Variants in PLA2G12B observed in about 807,000 individuals in gnomAD.
PLA2G12B encodes the protein phospholipase A2 group XIIB.
A neutral mutation model predicts 22.3 loss-of-function variants in PLA2G12B; 19 were observed. The ratio of observed to expected loss-of-function variants is 0.85; its 90% CI spans 0.60 to 1.25. The LOEUF (loss-of-function observed/expected upper bound fraction) is 1.25. Ranked by LOEUF, PLA2G12B falls within the 50% of genes most tolerant of loss-of-function variation. The probability of loss-of-function intolerance (pLI) is 0.00; values close to 1 mark genes in which losing one functional copy is unlikely to be tolerated. For missense variants in PLA2G12B, 191 were observed against 246.6 expected, an observed-to-expected ratio of 0.77 and a Z score of 1.51; for synonymous variants, 81 against 94.9, an observed-to-expected ratio of 0.85 and a Z score of 0.85.
intron 1 of PLA2G12B, among the ~76,000 whole-genome samples, chr10:72,944,340 G>A (rs1027154282): frequency 6.6e-6 from 1 of 152,018 alleles, no homozygotes; most frequent in Admixed American, 6.6e-5. Flanking sequence ...TTAATTTTTA[G>A]ATACTAAGTT....
At chr10:72,935,780 A>C in intron 3 of PLA2G12B, 42 bp from the exon 4 acceptor site, 1 of 1,598,586 alleles carries the variant, frequency 6.3e-7, no homozygotes, top group Non-Finnish European at 8.5e-7. Flanking sequence ...AACCCTGAGT[A>C]ATTTTGAAGA....
At chr10:72,939,066 G>A (rs563556840) in intron 3 of PLA2G12B, among the ~76,000 whole-genome samples, 196 of 152,320 alleles carry the variant, frequency 1.3e-3, no homozygotes, top group Non-Finnish European at 1.5e-3. Context: ...GTAGATTCAT[G>A]GTTTCCTCAA....
chr10:72,942,448 C>T (rs1379365639), intron 2 of PLA2G12B, among the ~76,000 whole-genome samples: 1 of 152,122 alleles, frequency 6.6e-6, no homozygotes, highest in African/African-American at 2.4e-5. Context: ...GATCCACTAC[C>T]AAGGGCTTAT....
intron 2 of PLA2G12B, among the ~76,000 whole-genome samples, chr10:72,942,146 TCGGGTGTGTGTGTGTGTGTG>T (rs1846372172): frequency 8.6e-6 from 1 of 116,654 alleles, no homozygotes; most frequent in African/African-American, 4.2e-5. Flanking sequence ...TAGCAGGGCG[TCGGGTGTGTGTGTGTGTGTG>T]TGTGTGTGTG....
chr10:72,952,672 T>A (rs1846551065), intron 1 of PLA2G12B, among the ~76,000 whole-genome samples: 1 of 152,208 alleles, frequency 6.6e-6, no homozygotes, highest in Non-Finnish European at 1.5e-5. Context: ...GCCGCCAGGT[T>A]TTTGGCTCTA....
chr10:72,946,066 T>G (rs1846435843), intron 1 of PLA2G12B, among the ~76,000 whole-genome samples: 4 of 152,218 alleles, frequency 2.6e-5, no homozygotes, highest in Admixed American at 2.6e-4. Context: ...TTTTGGCATA[T>G]CCACAGAGTT....
At chr10:72,942,149 G>GGTGTGTGTGTGT (rs34740594) in intron 2 of PLA2G12B, among the ~76,000 whole-genome samples, 9 of 136,038 alleles carry the variant, frequency 6.6e-5, no homozygotes, top group African/African-American at 2.1e-4. Context: ...CAGGGCGTCG[G>GGTGTGTGTGTGT]GTGTGTGTGT....
chr10:72,944,958 C>T (rs1185037183), intron 1 of PLA2G12B, among the ~76,000 whole-genome samples: 1 of 152,206 alleles, frequency 6.6e-6, no homozygotes, highest in Non-Finnish European at 1.5e-5. Flanking sequence ...TCCCTCTGGC[C>T]AGACCTTAAT....
chr10:72,947,657 T>G (rs1846464324), intron 1 of PLA2G12B, among the ~76,000 whole-genome samples: 1 of 152,200 alleles, frequency 6.6e-6, no homozygotes, highest in South Asian at 2.1e-4. Context: ...AAAAACATTT[T>G]CATCACCCCC....
intron 1 of PLA2G12B, among the ~76,000 whole-genome samples, chr10:72,945,751 G>T (rs1252271078): frequency 6.6e-6 from 1 of 151,826 alleles, no homozygotes; most frequent in Admixed American, 6.6e-5. Context: ...AAGTTCAAGT[G>T]ATTCTCCTGC....
intron 1 of PLA2G12B, among the ~76,000 whole-genome samples, chr10:72,948,131 C>T (rs558236934): frequency 2.0e-4 from 31 of 152,308 alleles, no homozygotes; most frequent in Non-Finnish European, 3.1e-4. Flanking sequence ...CCTCCTTGGC[C>T]TCCCAAAGTG....
At position 72,934,951 on chromosome 10, in the gene PLA2G12B, G is replaced by A. The variant is rs1225261889; in HGVS notation, c.*666C>T. 6.6e-6 allele frequency among the ~76,000 whole-genome samples: 1 copy of A among 152,098 alleles called. No individual in the cohort carries two copies. The highest frequency in any genetic ancestry group is 1.9e-4 in the East Asian group (1 of 5,176). On this transcript the variant is annotated 3_prime_UTR_variant, in exon 4 of 4. Transcript: ENST00000373032. ...ATTTAGTAACTGGGAATACCAATGG[G>A]GTAGGTCACCGGAGGGAAAAATGAA... is the stretch of plus-strand genomic sequence containing the variant.
At chr10:72,943,511 T>G (rs1753721368) in intron 1 of PLA2G12B, among the ~76,000 whole-genome samples, 1 of 152,208 alleles carries the variant, frequency 6.6e-6, no homozygotes. Context: ...AGAGTATTAT[T>G]GAGTAAAGAG....
At chr10:72,939,802 G>A (rs1846332114) in intron 3 of PLA2G12B, among the ~76,000 whole-genome samples, 1 of 152,156 alleles carries the variant, frequency 6.6e-6, no homozygotes, top group Non-Finnish European at 1.5e-5. Context: ...AATCAGAAAG[G>A]GCCATGTATG....
In PLA2G12B at chr10:72,954,703, A is replaced by G. The variant is rs757021890; in HGVS notation, c.-18T>C. 3 of 1,612,790 alleles carry G rather than the reference A, an allele frequency of 1.9e-6. No homozygotes were observed. Among genetic ancestry groups the G allele is most frequent in the South Asian group, 2.2e-5 (2 of 91,070 alleles). Reference sequence around the variant, plus strand: ...AGCTTCATCCTGCAGCCAGGTAGGTACTGGCTTCTCTCCTCAAACCCCAGC... The same window carrying G: ...AGCTTCATCCTGCAGCCAGGTAGGTGCTGGCTTCTCTCCTCAAACCCCAGC... On this transcript the variant is annotated 5_prime_UTR_variant, in exon 1 of 4. Transcript: ENST00000373032.
At chr10:72,953,236 A>AT in intron 1 of PLA2G12B, among the ~76,000 whole-genome samples, 1 of 152,328 alleles carries the variant, frequency 6.6e-6, no homozygotes, top group Middle Eastern at 3.4e-3. Flanking sequence ...TAAAACATAG[A>AT]TTTTAACCAT....
Position 72,954,792 on chromosome 10 carries a change from T to A in PLA2G12B, c.-107A>T. ...ATGTCAGGCAGGACTGGGAAAGGGA[T>A]TATCTGGAACATTCAATCTGTCTGT... On this transcript the variant is annotated 5_prime_UTR_variant, in exon 1 of 4. Coordinates refer to ENST00000373032, the MANE Select transcript of PLA2G12B (RefSeq NM_032562.5). 1 of 1,149,978 alleles carries A rather than the reference T, an allele frequency of 8.7e-7. No homozygotes were observed. The highest frequency in any genetic ancestry group is 1.4e-5 in the South Asian group (1 of 70,018). The allele number at this position is 1,149,978 out of a possible 1,614,324, so 71.2% of individuals were successfully genotyped here. A position where few individuals can be genotyped will look rare whatever the true frequency, so the allele number is the denominator to read the frequency against.
At position 72,935,506 on chromosome 10, in the gene PLA2G12B, T is replaced by TG; in HGVS notation, c.*110dup. ...AAAATGTTCCCTTTCTCCTGCTTTG[T>TG]GGTGTCCAAACTGTTGGAAGAACGA... is the stretch of plus-strand genomic sequence containing the variant. On this transcript the variant is annotated 3_prime_UTR_variant, in exon 4 of 4. Coordinates refer to ENST00000373032, the MANE Select transcript of PLA2G12B (RefSeq NM_032562.5). The TG allele has an allele frequency of 2.1e-6, 3 of 1,458,886 alleles. No homozygotes were observed. Among genetic ancestry groups the TG allele is most frequent in the Non-Finnish European group, 2.8e-6 (3 of 1,075,204 alleles). 90.4% of individuals were successfully genotyped at this position (1,458,886 alleles called of 1,614,324 possible). A position where few individuals can be genotyped will look rare whatever the true frequency, so the allele number is the denominator to read the frequency against.
chr10:72,948,669 A>C (rs368088906), intron 1 of PLA2G12B, among the ~76,000 whole-genome samples: 1 of 152,366 alleles, frequency 6.6e-6, no homozygotes, highest in Admixed American at 6.5e-5. Context: ...TTATTGGAAC[A>C]CAGCCACACT....
Sources: gnomAD v4.1 joint callset for allele counts (sites outside exome capture counted in the v4.1 genomes callset) on GRCh38, gnomAD v4.1.1 for gene constraint, MANE v1.5 for transcripts, NCBI Gene and HGNC (gene_info 2026-07-23, HGNC 2026-07-21) for gene names.